The following PRKX variants were observed in gnomAD, a reference collection of about 807,000 sequenced individuals.
PRKX encodes cAMP-dependent protein kinase catalytic subunit PRKX.
PRKX carries 12 observed loss-of-function variants against 22.0 expected under a neutral mutation model. The ratio of observed to expected loss-of-function variants is 0.54; its 90% confidence interval spans 0.35 to 0.88. The LOEUF (loss-of-function observed/expected upper bound fraction) is 0.88, where lower values mean the gene tolerates loss of function less well. Among genes scored for constraint, PRKX ranks in the 40% least tolerant of loss-of-function variants. PRKX has a pLI of 0.01. For synonymous variants in PRKX, 134 were observed against 137.7 expected (o/e 0.97, Z 0.19); for missense variants, 217 against 308.0 (o/e 0.70, Z 2.21).
chrX:3,630,414 G>C (rs1926750687), intron 4 of PRKX, among the ~76,000 whole-genome samples: 1 of 111,193 alleles, frequency 9.0e-6, no homozygotes, highest in Non-Finnish European at 1.9e-5. Flanking sequence ...CAAAAAATTA[G>C]CCAGGCGTGG....
intron 5 of PRKX, among the ~76,000 whole-genome samples, chrX:3,624,351 A>C: frequency 9.0e-6 from 1 of 111,298 alleles, no homozygotes; most frequent in African/African-American, 3.3e-5. Context: ...GGGTATGTAA[A>C]GAAACAGGGG....
rs759129057 is a variant in PRKX, at chrX:3,701,974, G to A, written c.166+11114C>T. Among the ~76,000 whole-genome samples, 606 of 112,058 alleles carry A rather than the reference G, an allele frequency of 5.4e-3. 4 individuals carry two copies. Among genetic ancestry groups the A allele is most frequent in the African/African-American group, 0.018 (569 of 30,854 alleles). Reference sequence around the variant, plus strand: ...TAAAAATGGGCAACCAGCAGCCCTCGAAGCCACTCTGTCTATGGAGGAGCC... The same window carrying A: ...TAAAAATGGGCAACCAGCAGCCCTCAAAGCCACTCTGTCTATGGAGGAGCC... On this transcript the variant is annotated intron_variant, in intron 1 of 8. Transcript: ENST00000262848.
At chrX:3,699,412 G>A (rs1194218549) in intron 1 of PRKX, among the ~76,000 whole-genome samples, 1 of 111,069 alleles carries the variant, frequency 9.0e-6, no homozygotes, top group Non-Finnish European at 1.9e-5. Context: ...GAGTGCAGTG[G>A]CACAATCTCA....
intron 4 of PRKX, among the ~76,000 whole-genome samples, chrX:3,630,652 C>T (rs1447669396): frequency 1.8e-5 from 2 of 111,708 alleles, no homozygotes; most frequent in East Asian, 2.8e-4. Context: ...TGGTGGAAGG[C>T]GAAGGGGAAG....
intron 8 of PRKX, 39 bp downstream of exon 8, chrX:3,612,138 A>G (rs1403382257): frequency 8.8e-6 from 10 of 1,142,599 alleles, no homozygotes; most frequent in African/African-American, 1.8e-5. Context: ...GGGTCGAGTC[A>G]GTCTCATTTT....
chrX:3,663,516 C>A (rs1339678110), intron 2 of PRKX, among the ~76,000 whole-genome samples: 7 of 100,942 alleles, frequency 6.9e-5, no homozygotes, highest in African/African-American at 2.2e-4. Flanking sequence ...GTGGTCCCAG[C>A]TACTTGGGAG....
intron 4 of PRKX, chrX:3,641,571 A>G (rs937711628): frequency 2.6e-4 from 51 of 195,650 alleles, no homozygotes; most frequent in Non-Finnish European, 4.3e-4. Flanking sequence ...TGTTAATTGT[A>G]TATTTAAAGA....
chrX:3,636,126 A>G (rs769002717), intron 4 of PRKX, among the ~76,000 whole-genome samples: 20 of 112,493 alleles, frequency 1.8e-4, no homozygotes, highest in Admixed American at 1.7e-3. Context: ...GATTTTACCA[A>G]ATAGATGGTT....
intron 4 of PRKX, among the ~76,000 whole-genome samples, chrX:3,638,837 AAGAC>A (rs1276361590): frequency 1.9e-5 from 2 of 107,695 alleles, no homozygotes; most frequent in Non-Finnish European, 3.8e-5. Flanking sequence ...GTTACATAGA[AAGAC>A]AGATGATAAA....
At chrX:3,666,440 G>A (rs1408183555) in intron 2 of PRKX, among the ~76,000 whole-genome samples, 1 of 111,014 alleles carries the variant, frequency 9.0e-6, no homozygotes, top group Non-Finnish European at 1.9e-5. Flanking sequence ...ACAGGCGTGA[G>A]CCACCACGCC....
At chrX:3,664,381 C>T (rs1243383568) in intron 2 of PRKX, among the ~76,000 whole-genome samples, 26 of 111,758 alleles carry the variant, frequency 2.3e-4, no homozygotes, top group Admixed American at 1.5e-3. Flanking sequence ...TGACTATAGG[C>T]GTGCAACACC....
intron 1 of PRKX, among the ~76,000 whole-genome samples, chrX:3,677,469 G>C (rs1463448886): frequency 9.3e-6 from 1 of 108,097 alleles, no homozygotes; most frequent in Non-Finnish European, 1.9e-5. Flanking sequence ...TGGGACTACA[G>C]GCGTGCACCA....
chrX:3,692,605 G>A (rs1928355660), intron 1 of PRKX, among the ~76,000 whole-genome samples: 2 of 104,181 alleles, frequency 1.9e-5, no homozygotes, highest in African/African-American at 3.6e-5. Context: ...TCAGCTCACT[G>A]CAAGCTCCGT....
intron 2 of PRKX, among the ~76,000 whole-genome samples, chrX:3,664,441 T>C (rs1017293777): frequency 4.5e-5 from 5 of 111,615 alleles, no homozygotes; most frequent in Non-Finnish European, 7.5e-5. Context: ...TCTCCCTATA[T>C]TGCCCAGGCT....
At chrX:3,673,269 G>A (rs1927884258) in intron 2 of PRKX, among the ~76,000 whole-genome samples, 1 of 111,343 alleles carries the variant, frequency 9.0e-6, no homozygotes, top group Non-Finnish European at 1.9e-5. Flanking sequence ...GTCAAAGAAG[G>A]GTGGCCTGGG....
Position 3,628,064 on chromosome X carries a change from C to T in PRKX, c.720-1550G>A, listed in dbSNP as rs759276914. Reference sequence around the variant, plus strand: ...CTACACACAGTAGAATACTATTCAGCCATGAAAAGGAATACAATCCTCTGA... The same window carrying T: ...CTACACACAGTAGAATACTATTCAGTCATGAAAAGGAATACAATCCTCTGA... On this transcript the variant is annotated intron_variant, in intron 4 of 8. Transcript: ENST00000262848. 5.4e-5 allele frequency among the ~76,000 whole-genome samples: 6 copies of T among 111,220 alleles called. No individual in the cohort carries two copies. In the South Asian group the frequency reaches 2.3e-3, roughly 42 times the overall value.
chrX:3,698,100 C>T (rs763795232), intron 1 of PRKX, among the ~76,000 whole-genome samples: 1 of 111,883 alleles, frequency 8.9e-6, no homozygotes, highest in African/African-American at 3.2e-5. Context: ...GTGGGCCAGC[C>T]GCTTAGTTTC....
chrX:3,708,461 G>C (rs2034837722), intron 1 of PRKX, among the ~76,000 whole-genome samples: 2 of 110,887 alleles, frequency 1.8e-5, no homozygotes, highest in South Asian at 7.6e-4. Context: ...AAACCTACCA[G>C]TATAAGCACT....
intron 1 of PRKX, among the ~76,000 whole-genome samples, chrX:3,676,461 C>G (rs1927957937): frequency 9.0e-6 from 1 of 111,703 alleles, no homozygotes; most frequent in South Asian, 3.8e-4. Context: ...GCACTATTCA[C>G]AACAGCCAAG....
Sources: gnomAD v4.1 joint callset for allele counts (sites outside exome capture counted in the v4.1 genomes callset) on GRCh38, gnomAD v4.1.1 for gene constraint, MANE v1.5 for transcripts, NCBI Gene and HGNC (gene_info 2026-07-23, HGNC 2026-07-21) for gene names.